MORC4: variants seen among roughly 807,000 people sequenced by gnomAD.
MORC4 encodes the protein MORC family CW-type zinc finger 4.
A neutral mutation model predicts 65.5 loss-of-function variants in MORC4; 22 were observed. The ratio of observed to expected loss-of-function variants is 0.34; its 90% CI spans 0.24 to 0.48. The LOEUF (loss-of-function observed/expected upper bound fraction) is 0.48, where lower values mean the gene tolerates loss of function less well. Among genes scored for constraint, MORC4 ranks in the 20% least tolerant of loss-of-function variants. The probability of loss-of-function intolerance (pLI) is 0.99; values close to 1 mark genes in which losing one functional copy is unlikely to be tolerated. For synonymous variants in MORC4, 267 were observed against 255.8 expected, an observed-to-expected ratio of 1.04 and a Z score of -0.42; for missense variants, 624 against 703.0, an observed-to-expected ratio of 0.89 and a Z score of 1.27.
chrX:106,946,637 G>A lies in MORC4; in HGVS notation c.1686-3432C>T, dbSNP rs191192698. Reference sequence around the variant, plus strand: ...ATAGATACGTTTTCCGTTTTCTTGGGTATAAACTTAGGTGTGGCATTACTG... The same window carrying A: ...ATAGATACGTTTTCCGTTTTCTTGGATATAAACTTAGGTGTGGCATTACTG... On this transcript the variant is annotated intron_variant, in intron 14 of 16. Coordinates refer to ENST00000355610, the MANE Select transcript of MORC4 (RefSeq NM_024657.5). Among the ~76,000 whole-genome samples, 234 of 112,145 alleles carry A rather than the reference G, an allele frequency of 2.1e-3. 2 individuals carry two copies. Among genetic ancestry groups the A allele is most frequent in the South Asian group, 2.9e-3 (8 of 2,727 alleles).
intron 5 of MORC4, among the ~76,000 whole-genome samples, chrX:106,982,349 A>G (rs1355078678): frequency 9.0e-6 from 1 of 111,447 alleles, no homozygotes; most frequent in Non-Finnish European, 1.9e-5. Context: ...TCTAGTGATA[A>G]CTCTGCTTCA....
chrX:106,946,010 T>C (rs1281899075), intron 14 of MORC4, among the ~76,000 whole-genome samples: 6 of 111,955 alleles, frequency 5.4e-5, no homozygotes, highest in Non-Finnish European at 9.4e-5. Context: ...TCCTACTATG[T>C]TTAAGGAACT....
intron 9 of MORC4, among the ~76,000 whole-genome samples, chrX:106,965,766 G>A (rs191887824): frequency 8.9e-6 from 1 of 112,199 alleles, no homozygotes; most frequent in East Asian, 2.8e-4. Context: ...GAAAAGTACG[G>A]TAGAGAAAAC....
intron 12 of MORC4, 65 bp downstream of exon 12, chrX:106,956,871 T>A: frequency 1.1e-6 from 1 of 876,212 alleles, no homozygotes; most frequent in Non-Finnish European, 1.6e-6. Context: ...AAAACTCCCG[T>A]CCTGTAAGGA....
At position 106,942,933 on chromosome X, in the gene MORC4, C is replaced by T. The variant is rs557687749; in HGVS notation, c.1958G>A (p.Arg653His). Residue 653 changes from arginine to histidine, a missense_variant, in exon 15 of 17, where the codon CGC becomes CAC. Physicochemically the swap from Arg to His is conservative, Grantham distance 29 (BLOSUM62 0). Coordinates refer to ENST00000355610, the MANE Select transcript of MORC4 (RefSeq NM_024657.5). ...SILYPGAKDQ[R>H]QGSLLPEELE... ...TTCTTCAGGAAGCAGGGACCCCTGG[C>T]GTTGGTCTTTGGCCCCTGGATACAG... 31 of 1,210,131 alleles carry T rather than the reference C, an allele frequency of 2.6e-5. No individual in the cohort carries two copies. The highest frequency in any genetic ancestry group is 4.6e-4 in the Middle Eastern group (2 of 4,356).
At chrX:106,977,282 G>A (rs1569304723) in intron 8 of MORC4, among the ~76,000 whole-genome samples, 1 of 111,338 alleles carries the variant, frequency 9.0e-6, no homozygotes, top group Non-Finnish European at 1.9e-5. Context: ...TAATTGGACT[G>A]GAACACAAAC....
At chrX:106,953,914 G>A (rs1201408760) in intron 14 of MORC4, among the ~76,000 whole-genome samples, 1 of 111,950 alleles carries the variant, frequency 8.9e-6, no homozygotes, top group African/African-American at 3.2e-5. Flanking sequence ...ACCTGAGGTC[G>A]GGAGTTCGAG....
chrX:106,949,486 T>C (rs1933924416), intron 14 of MORC4, among the ~76,000 whole-genome samples: 2 of 112,402 alleles, frequency 1.8e-5, no homozygotes, highest in African/African-American at 3.2e-5. Flanking sequence ...CAACTGGACA[T>C]TTTAGATAAT....
Position 106,940,798 on chromosome X carries a change from C to T in MORC4, c.*681G>A, listed in dbSNP as rs981804984. The T allele has an allele frequency of 1.8e-5, 2 of 111,799 alleles. No homozygotes were observed. Among genetic ancestry groups the T allele is most frequent in the Non-Finnish European group, 1.9e-5 (1 of 53,048 alleles). 9.2% of individuals were successfully genotyped at this position (111,799 alleles called of 1,213,427 possible). On this transcript the variant is annotated 3_prime_UTR_variant, in exon 17 of 17. Transcript: ENST00000355610. ...GAATAACAAGTTTAATATTGAAAAT[C>T]TGAAAAAGGCAGGAAGATAGGAAGA...
At chrX:106,959,544 GT>G (rs1934186775) in intron 10 of MORC4, among the ~76,000 whole-genome samples, 1 of 111,291 alleles carries the variant, frequency 9.0e-6, no homozygotes, top group South Asian at 3.8e-4. Context: ...TGTTGTTGTT[GT>G]TTTTTCCTTT....
At chrX:106,968,469 T>A (rs1365441793) in intron 9 of MORC4, among the ~76,000 whole-genome samples, 1 of 109,141 alleles carries the variant, frequency 9.2e-6, no homozygotes, top group Non-Finnish European at 1.9e-5. Context: ...CATAACAATA[T>A]TAACCTTAAA....
intron 2 of MORC4, among the ~76,000 whole-genome samples, chrX:106,995,339 C>G (rs1263952103): frequency 8.9e-6 from 1 of 111,829 alleles, no homozygotes; most frequent in African/African-American, 3.2e-5. Flanking sequence ...GGCTAAAAAG[C>G]CAAACACTGG....
chrX:106,998,266 T>C (rs1055760734), intron 2 of MORC4, among the ~76,000 whole-genome samples: 4 of 112,588 alleles, frequency 3.6e-5, no homozygotes, highest in Non-Finnish European at 5.6e-5. Flanking sequence ...TTTGTATACA[T>C]GTATGCATGC....
rs775275692 is a variant in MORC4 at position 106,941,434 on chromosome X, G to A, written c.*45C>T. 3.9e-5 allele frequency: 41 copies of A among 1,054,764 alleles called. No individual in the cohort carries two copies. Among genetic ancestry groups the A allele is most frequent in the Non-Finnish European group, 2.7e-5 (21 of 779,362 alleles). 86.9% of individuals were successfully genotyped at this position (1,054,764 alleles called of 1,213,427 possible). A position where few individuals can be genotyped will look rare whatever the true frequency, so the allele number is the denominator to read the frequency against. On this transcript the variant is annotated 3_prime_UTR_variant, in exon 17 of 17. Transcript: ENST00000355610. Reference sequence around the variant, plus strand: ...AGACGTGAGGGAGGGAGAGAAAAGAGAACAGACAGAAGATAAGAGAAGAGA... The same window carrying A: ...AGACGTGAGGGAGGGAGAGAAAAGAAAACAGACAGAAGATAAGAGAAGAGA...
rs1934662082 is a variant in MORC4, at chrX:106,978,132, T to C, written c.1004A>G (p.Tyr335Cys). Residue 335 changes from tyrosine to cysteine, a missense_variant, in exon 8 of 17, where the codon TAT becomes TGT. Tyr to Cys is a radical substitution (Grantham distance 194). Coordinates refer to ENST00000355610, the MANE Select transcript of MORC4 (RefSeq NM_024657.5). ...AGATTTTATGAGTCGGTTGTTATGA[T>C]ACATCATTATTCCAAACTGGTTACT... The part of the protein sequence containing the change: ...KNSNQFGIMM[Y>C]HNNRLIKSFE... 8.3e-7 allele frequency: 1 copy of C among 1,208,017 alleles called. No homozygotes were observed. Among genetic ancestry groups the C allele is most frequent in the Non-Finnish European group, 1.1e-6 (1 of 892,486 alleles).
At chrX:106,983,100 T>C (rs1473114366) in intron 5 of MORC4, among the ~76,000 whole-genome samples, 3 of 112,205 alleles carry the variant, frequency 2.7e-5, no homozygotes, top group Admixed American at 9.5e-5. Flanking sequence ...TCCTTTGAGT[T>C]GTCATGTCTG....
At chrX:106,995,054 A>T (rs1301752284) in intron 2 of MORC4, among the ~76,000 whole-genome samples, 2 of 111,678 alleles carry the variant, frequency 1.8e-5, no homozygotes, top group Non-Finnish European at 3.8e-5. Context: ...GTTATTAATT[A>T]TAGCCATCCT....
intron 11 of MORC4, among the ~76,000 whole-genome samples, 198 bp from the exon 12 acceptor site, chrX:106,957,202 A>G (rs1934130374): frequency 8.9e-6 from 1 of 112,243 alleles, no homozygotes; most frequent in African/African-American, 3.2e-5. Flanking sequence ...AGTACTAGAA[A>G]ATACATTCAG....
chrX:106,972,211 A>C (rs1050531725), intron 9 of MORC4, among the ~76,000 whole-genome samples: 1 of 111,356 alleles, frequency 9.0e-6, no homozygotes, highest in Non-Finnish European at 1.9e-5. Context: ...GCAAACTATC[A>C]CAAGATCAGA....
Sources: gnomAD v4.1 joint callset for allele counts (sites outside exome capture counted in the v4.1 genomes callset) on GRCh38, gnomAD v4.1.1 for gene constraint, MANE v1.5 for transcripts, NCBI Gene and HGNC (gene_info 2026-07-23, HGNC 2026-07-21) for gene names.